The following SNX24 variants were observed in gnomAD, a reference collection of about 807,000 sequenced individuals.
The protein encoded by SNX24 is sorting nexin 24.
A neutral mutation model predicts 28.7 loss-of-function variants in SNX24; 22 were observed. The observed-to-expected ratio is 0.77, with a 90% CI of 0.55 to 1.10. The LOEUF (loss-of-function observed/expected upper bound fraction) is 1.10. SNX24 is among the 50% of genes least tolerant of loss of function. The probability of loss-of-function intolerance (pLI) is 0.00; values close to 1 mark genes in which losing one functional copy is unlikely to be tolerated. For missense variants in SNX24, 221 were observed against 201.1 expected (o/e 1.10, Z -0.60); for synonymous variants, 69 against 71.5 (o/e 0.96, Z 0.18).
At chr5:122,922,284 ACT>A (rs1390511860) in intron 1 of SNX24, among the ~76,000 whole-genome samples, 5 of 151,910 alleles carry the variant, frequency 3.3e-5, no homozygotes. Context: ...ACAGGGTCTC[ACT>A]CTGTCACCCA....
chr5:122,923,339 TA>T (rs908914752), intron 1 of SNX24, among the ~76,000 whole-genome samples: 17 of 140,730 alleles, frequency 1.2e-4, no homozygotes, highest in South Asian at 2.2e-4. Flanking sequence ...ACCCCATCTC[TA>T]AAAAAAAAAA....
intron 6 of SNX24, 86 bp from the exon 7 acceptor site, chr5:123,007,596 C>T (rs183278322): frequency 2.5e-6 from 3 of 1,204,192 alleles, no homozygotes; most frequent in Middle Eastern, 2.5e-4. Context: ...TTGCCTTGTT[C>T]CATTCTACAG....
At chr5:123,016,520 T>A (rs911878213) in intron 5 of SNX24, among the ~76,000 whole-genome samples, 1 of 152,144 alleles carries the variant, frequency 6.6e-6, no homozygotes, top group Admixed American at 6.6e-5. Context: ...TTATCTGAGT[T>A]ATTTTTAAAA....
chr5:122,893,535 CATAGTT>C (rs944708920), intron 1 of SNX24, among the ~76,000 whole-genome samples: 1 of 152,054 alleles, frequency 6.6e-6, no homozygotes, highest in Non-Finnish European at 1.5e-5. Flanking sequence ...CATATATACA[CATAGTT>C]ATATATGTAA....
intron 3 of SNX24, among the ~76,000 whole-genome samples, chr5:122,960,675 G>A (rs532652862): frequency 2.6e-5 from 4 of 152,262 alleles, no homozygotes; most frequent in East Asian, 1.9e-4. Flanking sequence ...TAGAGAAGCC[G>A]TAATTCAGCT....
At chr5:123,023,198 A>G (rs1762787060) in intron 5 of SNX24, 1 of 152,264 alleles carries the variant, frequency 6.6e-6, no homozygotes, top group African/African-American at 2.4e-5. Context: ...ACATTGAATA[A>G]CAATAAGTAA....
chr5:123,018,982 G>T (rs984234155), intron 5 of SNX24, among the ~76,000 whole-genome samples: 1 of 152,038 alleles, frequency 6.6e-6, no homozygotes, highest in African/African-American at 2.4e-5. Context: ...ACCGCGCCTG[G>T]CCTAGGGTGG....
chr5:122,852,569 C>T (rs1487446118), intron 1 of SNX24, among the ~76,000 whole-genome samples: 1 of 152,138 alleles, frequency 6.6e-6, no homozygotes, highest in Non-Finnish European at 1.5e-5. Flanking sequence ...TCTCGAACTT[C>T]TGCGTTCAAG....
chr5:122,927,519 G>T lies in SNX24; in HGVS notation c.61-9215G>T, dbSNP rs867193271. 3.3e-5 allele frequency among the ~76,000 whole-genome samples: 5 copies of T among 152,090 alleles called. No individual in the cohort carries two copies. The South Asian group carries it at 8.3e-4, about 25-fold the overall frequency. On this transcript the variant is annotated intron_variant, in intron 1 of 6. Coordinates refer to ENST00000261369, the MANE Select transcript of SNX24 (RefSeq NM_014035.4). ...AATGCCAGTATTTCCTTGAATCCTG[G>T]ATTCAACATCTTAGGGAGAACATTG...
downstream of SNX24, among the ~76,000 whole-genome samples, chr5:123,011,791 G>T (rs907705837): frequency 6.6e-6 from 1 of 152,128 alleles, no homozygotes; most frequent in African/African-American, 2.4e-5. Flanking sequence ...ATTAAGCATT[G>T]AATTGCTATG....
rs1762504125 is a variant in SNX24, at chr5:123,008,946, AAGTT to A, written c.*1198_*1201del. ...CCTATTTATGGTTATTCGTTTTAGT[AAGTT>A]CTGTGGGAGCAAGGTATTTAAAATC... On this transcript the variant is annotated 3_prime_UTR_variant, in exon 7 of 7. Transcript: ENST00000261369. 2.0e-6 allele frequency: 2 copies of A among 985,354 alleles called. No homozygotes were observed. The highest frequency in any genetic ancestry group is 4.7e-5 in the South Asian group (1 of 21,286). 61.0% of individuals were successfully genotyped at this position (985,354 alleles called of 1,614,324 possible).
chr5:122,987,174 A>T (rs796487113), intron 3 of SNX24, among the ~76,000 whole-genome samples: 4 of 152,084 alleles, frequency 2.6e-5, no homozygotes, highest in African/African-American at 9.6e-5. Flanking sequence ...GGAGGAAGGG[A>T]TGAGGGAGAT....
intron 3 of SNX24, among the ~76,000 whole-genome samples, chr5:122,982,046 T>A (rs575484874): frequency 9.6e-4 from 147 of 152,374 alleles, no homozygotes; most frequent in African/African-American, 3.4e-3. Context: ...TGTGCCTTTG[T>A]CATTTCCTTT....
chr5:122,904,653 C>T (rs1472504395), intron 1 of SNX24, among the ~76,000 whole-genome samples: 1 of 152,120 alleles, frequency 6.6e-6, no homozygotes, highest in Non-Finnish European at 1.5e-5. Flanking sequence ...TTTATAGACT[C>T]ATTAATAATT....
intron 1 of SNX24, among the ~76,000 whole-genome samples, chr5:122,885,765 A>G (rs996764223): frequency 1.3e-5 from 2 of 152,178 alleles, no homozygotes; most frequent in Non-Finnish European, 2.9e-5. Flanking sequence ...AAATAAGAGC[A>G]AAGGTACTGA....
intron 1 of SNX24, among the ~76,000 whole-genome samples, chr5:122,923,067 G>A (rs1225915261): frequency 2.0e-5 from 3 of 152,070 alleles, no homozygotes; most frequent in Non-Finnish European, 4.4e-5. Flanking sequence ...TCATAGCTCA[G>A]TACCTGTAAT....
chr5:122,950,043 A>T (rs1468306373), intron 3 of SNX24, among the ~76,000 whole-genome samples: 1 of 152,142 alleles, frequency 6.6e-6, no homozygotes, highest in Admixed American at 6.5e-5. Context: ...CCCCTTAAAT[A>T]ATATACTCCA....
At chr5:122,964,169 G>A (rs1459244047) in intron 3 of SNX24, among the ~76,000 whole-genome samples, 1 of 150,358 alleles carries the variant, frequency 6.7e-6, no homozygotes, top group Non-Finnish European at 1.5e-5. Context: ...CTTGAACCCA[G>A]GAGGTGGAGG....
intron 1 of SNX24, among the ~76,000 whole-genome samples, chr5:122,928,704 A>G (rs1758815617): frequency 6.6e-6 from 1 of 151,910 alleles, no homozygotes; most frequent in African/African-American, 2.4e-5. Context: ...CACCCCTGCC[A>G]GTACCTTGAT....
Sources: gnomAD v4.1 joint callset for allele counts (sites outside exome capture counted in the v4.1 genomes callset) on GRCh38, gnomAD v4.1.1 for gene constraint, MANE v1.5 for transcripts, NCBI Gene and HGNC (gene_info 2026-07-23, HGNC 2026-07-21) for gene names.